Variants in FOXP2 observed in about 807,000 individuals in gnomAD.
FOXP2 encodes the protein forkhead box protein P2.
A neutral mutation model predicts 115.8 loss-of-function variants in FOXP2; 12 were observed. That is an observed-to-expected ratio of 0.10 (90% CI 0.07 to 0.17). FOXP2 has a LOEUF of 0.17. Among genes scored for constraint, FOXP2 ranks in the 10% least tolerant of loss-of-function variants. FOXP2 has a pLI of 1.00. For synonymous variants in FOXP2, 328 were observed against 297.7 expected (o/e 1.10, Z -1.05); for missense variants, 629 against 843.5 (o/e 0.75, Z 3.15).
chr7:114,472,632 G>A (rs1796100759), intron 2 of FOXP2, among the ~76,000 whole-genome samples: 1 of 152,156 alleles, frequency 6.6e-6, no homozygotes, highest in South Asian at 2.1e-4. Flanking sequence ...ACAAACGTGA[G>A]CCATCGTGCC....
intron 1 of FOXP2, among the ~76,000 whole-genome samples, chr7:114,249,779 CT>C (rs1795389618): frequency 6.6e-6 from 1 of 150,864 alleles, no homozygotes; most frequent in Admixed American, 6.6e-5. Flanking sequence ...GGTTCTAGGT[CT>C]TTGTTTTTTT....
intron 2 of FOXP2, among the ~76,000 whole-genome samples, chr7:114,367,605 T>A (rs1038950486): frequency 2.0e-5 from 3 of 152,180 alleles, no homozygotes; most frequent in African/African-American, 7.2e-5. Context: ...ATACATTCAG[T>A]ACAACTCTGA....
chr7:114,368,625 T>G (rs1452603119), intron 2 of FOXP2, among the ~76,000 whole-genome samples: 1 of 152,178 alleles, frequency 6.6e-6, no homozygotes, highest in Non-Finnish European at 1.5e-5. Flanking sequence ...TAAAGACGAC[T>G]GAGCAGATTG....
At chr7:114,477,714 C>T (rs113032798) in intron 2 of FOXP2, among the ~76,000 whole-genome samples, 1,706 of 151,780 alleles carry the variant, frequency 0.011, 16 homozygotes, top group Middle Eastern at 0.031. Flanking sequence ...GAATGTATCA[C>T]GCAAATTCTT....
chr7:114,448,073 C>T (rs1268748086), intron 2 of FOXP2, among the ~76,000 whole-genome samples: 1 of 152,048 alleles, frequency 6.6e-6, no homozygotes, highest in Non-Finnish European at 1.5e-5. Flanking sequence ...TTCATTGCAA[C>T]GTCCATATAG....
intron 2 of FOXP2, among the ~76,000 whole-genome samples, chr7:114,300,754 A>G (rs2049600): frequency 1 from 151,304 of 152,044 alleles, 75,289 homozygotes; most frequent in East Asian, 1. Context: ...TTCACCTGGA[A>G]AGTTTTTTTT....
intron 6 of FOXP2, among the ~76,000 whole-genome samples, 182 bp downstream of exon 6, chr7:114,631,887 T>G (rs1349557534): frequency 2.0e-5 from 3 of 152,240 alleles, no homozygotes; most frequent in Admixed American, 2.0e-4. Flanking sequence ...TACCATATAC[T>G]GCTTTCAAGT....
chr7:114,548,443 A>G (rs543006590), intron 3 of FOXP2, among the ~76,000 whole-genome samples: 53 of 152,326 alleles, frequency 3.5e-4, no homozygotes, highest in Non-Finnish European at 7.1e-4. Context: ...AACTTCTGCA[A>G]CCAATAGTTT....
chr7:114,691,799 T>G lies in FOXP2; in HGVS notation c.*1873T>G, dbSNP rs557034215. ...CTTGCAAACTAAGCTCATCATTGAT[T>G]CTTTGCTGAAGTCAGCAAATAGAGT... On this transcript the variant is annotated 3_prime_UTR_variant, in exon 17 of 17. Coordinates refer to ENST00000350908, the MANE Select transcript of FOXP2 (RefSeq NM_014491.4). The G allele has an allele frequency of 2.2e-6, 1 of 453,618 alleles. No individual in the cohort carries two copies. Among genetic ancestry groups the G allele is most frequent in the African/African-American group, 2.0e-5 (1 of 50,014 alleles). The allele number at this position is 453,618 out of a possible 1,614,324, so 28.1% of individuals were successfully genotyped here. A position where few individuals can be genotyped will look rare whatever the true frequency, so the allele number is the denominator to read the frequency against.
intron 1 of FOXP2, among the ~76,000 whole-genome samples, chr7:114,139,485 G>T (rs964193020): frequency 6.6e-6 from 1 of 152,058 alleles, no homozygotes; most frequent in Non-Finnish European, 1.5e-5. Flanking sequence ...ATATGTAAAT[G>T]ATTTTATGCT....
chr7:114,153,353 G>A (rs1029009475), intron 1 of FOXP2, among the ~76,000 whole-genome samples: 1 of 152,080 alleles, frequency 6.6e-6, no homozygotes, highest in Non-Finnish European at 1.5e-5. Context: ...ATGAACAAAT[G>A]TTGCATGCTG....
At chr7:114,488,181 C>T (rs1203340659) in intron 2 of FOXP2, among the ~76,000 whole-genome samples, 2 of 152,054 alleles carry the variant, frequency 1.3e-5, no homozygotes, top group Non-Finnish European at 2.9e-5. Context: ...TGCAAATGAA[C>T]TCCCCTCTAT....
At chr7:114,378,100 G>A (rs1282602995) in intron 2 of FOXP2, among the ~76,000 whole-genome samples, 1 of 152,042 alleles carries the variant, frequency 6.6e-6, no homozygotes, top group Non-Finnish European at 1.5e-5. Context: ...CATCCTAATT[G>A]TGAATATAAT....
intron 1 of FOXP2, among the ~76,000 whole-genome samples, chr7:114,132,582 T>TGTGTGTGTGAGAGA (rs1554419465): frequency 1.8e-5 from 1 of 55,996 alleles, no homozygotes; most frequent in African/African-American, 7.9e-5. Flanking sequence ...TGTGTGTGTG[T>TGTGTGTGTGAGAGA]GAGAGAGAGA....
At chr7:114,386,234 G>A (rs1792448682) in intron 2 of FOXP2, among the ~76,000 whole-genome samples, 1 of 152,212 alleles carries the variant, frequency 6.6e-6, no homozygotes, top group Admixed American at 6.5e-5. Flanking sequence ...GAAGAGTGCA[G>A]TTGCAAGATT....
At chr7:114,676,765 G>A (rs2129347915) in intron 16 of FOXP2, among the ~76,000 whole-genome samples, 1 of 152,280 alleles carries the variant, frequency 6.6e-6, no homozygotes, top group African/African-American at 2.4e-5. Flanking sequence ...AAGAAAAGAT[G>A]TAAGGGAACT....
chr7:114,527,948 G>T (rs1383717756), intron 2 of FOXP2, among the ~76,000 whole-genome samples: 1 of 151,944 alleles, frequency 6.6e-6, no homozygotes, highest in Non-Finnish European at 1.5e-5. Context: ...CCTCTGTCTT[G>T]TCTCACTCTC....
rs571460855 is a variant in FOXP2, at chr7:114,692,208, C to T, written c.*2282C>T. ...GGCTTTGAGGGACTGGAAGTAACTG[C>T]GAGAGTTGTACCATCAGAAGGGTGG... On this transcript the variant is annotated 3_prime_UTR_variant, in exon 17 of 17. Transcript: ENST00000350908. 3.5e-5 allele frequency: 16 copies of T among 453,826 alleles called. No homozygotes were observed. Among genetic ancestry groups the T allele is most frequent in the East Asian group, 7.0e-5 (1 of 14,386 alleles). The allele number at this position is 453,826 out of a possible 1,614,324, so 28.1% of individuals were successfully genotyped here. A position where few individuals can be genotyped will look rare whatever the true frequency, so the allele number is the denominator to read the frequency against.
chr7:114,457,935 G>T (rs978493980), intron 2 of FOXP2, among the ~76,000 whole-genome samples: 2 of 149,634 alleles, frequency 1.3e-5, no homozygotes, highest in South Asian at 2.1e-4. Flanking sequence ...GTATTAGAAA[G>T]ATGACAACTT....
Sources: allele counts gnomAD v4.1 joint callset (sites outside exome capture counted in the v4.1 genomes callset), GRCh38; gene constraint gnomAD v4.1.1; transcripts MANE v1.5; gene names NCBI Gene and HGNC (gene_info 2026-07-23, HGNC 2026-07-21).